The following SGMS1 variants were observed in gnomAD, a reference collection of about 807,000 sequenced individuals.
SGMS1 encodes phosphatidylcholine:ceramide cholinephosphotransferase 1.
Under a neutral mutation model 46.2 loss-of-function variants are expected in SGMS1, and 13 were observed. The ratio of observed to expected loss-of-function variants is 0.28; its 90% CI spans 0.18 to 0.45. The LOEUF (loss-of-function observed/expected upper bound fraction) is 0.45, where lower values mean the gene tolerates loss of function less well. Among genes scored for constraint, SGMS1 ranks in the 20% least tolerant of loss-of-function variants. The pLI, the probability that SGMS1 is intolerant of heterozygous loss-of-function variation, is 1.00. For missense variants in SGMS1, 324 were observed against 519.9 expected (o/e 0.62, Z 3.66); for synonymous variants, 203 against 187.8 (o/e 1.08, Z -0.66).
Position 50,436,703 on chromosome 10 carries a change from C to T in SGMS1, c.-312-3147G>A, listed in dbSNP as rs1202211725. On this transcript the variant is annotated intron_variant, in intron 5 of 10. Transcript: ENST00000361781. ...TCTAGGGCAAAGCTGAGCCTGCTACCCCTGGGTGGAAGAAGACTGGCTGGC... is the reference window on the plus strand; with the variant it reads ...TCTAGGGCAAAGCTGAGCCTGCTACTCCTGGGTGGAAGAAGACTGGCTGGC... Among the ~76,000 whole-genome samples, 18 of 152,120 alleles carry T rather than the reference C, an allele frequency of 1.2e-4. 1 individual carries two copies. Among genetic ancestry groups the T allele is most frequent in the Admixed American group, 1.2e-3 (18 of 15,276 alleles).
chr10:50,532,756 T>C (rs994462555), intron 2 of SGMS1, among the ~76,000 whole-genome samples: 2 of 152,266 alleles, frequency 1.3e-5, no homozygotes, highest in African/African-American at 4.8e-5. Flanking sequence ...AGGTAGTTTT[T>C]AGGTCTTTAG....
At chr10:50,523,401 T>C (rs1330828156) in intron 2 of SGMS1, among the ~76,000 whole-genome samples, 1 of 152,220 alleles carries the variant, frequency 6.6e-6, no homozygotes, top group Non-Finnish European at 1.5e-5. Flanking sequence ...AGCACAACAC[T>C]GTAGCAAGAA....
intron 3 of SGMS1, among the ~76,000 whole-genome samples, 178 bp downstream of exon 3, chr10:50,519,653 T>C (rs182186046): frequency 6.6e-6 from 1 of 152,280 alleles, no homozygotes; most frequent in East Asian, 1.9e-4. Context: ...TCCTACTTTT[T>C]CCAAACCACA....
intron 8 of SGMS1, among the ~76,000 whole-genome samples, chr10:50,322,023 G>T (rs1269653294): frequency 4.6e-5 from 7 of 152,350 alleles, no homozygotes; most frequent in Non-Finnish European, 8.8e-5. Flanking sequence ...TGTTGCATTT[G>T]TATTATATTG....
At chr10:50,457,853 T>A (rs553874476) in intron 5 of SGMS1, among the ~76,000 whole-genome samples, 1 of 152,346 alleles carries the variant, frequency 6.6e-6, no homozygotes, top group South Asian at 2.1e-4. Flanking sequence ...ATGGTGTACC[T>A]AAAATTCTGA....
At chr10:50,624,180 C>T, upstream of SGMS1, 1 of 967,506 alleles carries the variant, frequency 1.0e-6, no homozygotes, top group Non-Finnish European at 1.2e-6. Flanking sequence ...GGGCGCTTTC[C>T]CCAGCGTTTT....
chr10:50,595,336 T>C (rs1838580990), intron 1 of SGMS1, among the ~76,000 whole-genome samples: 1 of 152,090 alleles, frequency 6.6e-6, no homozygotes, highest in Non-Finnish European at 1.5e-5. Flanking sequence ...CCACCATGCC[T>C]GGCTAACGTT....
At chr10:50,410,085 T>C (rs891635612) in intron 6 of SGMS1, among the ~76,000 whole-genome samples, 6 of 152,238 alleles carry the variant, frequency 3.9e-5, no homozygotes, top group African/African-American at 1.4e-4. Flanking sequence ...GTTTACCTTG[T>C]AATTTTAACA....
intron 3 of SGMS1, among the ~76,000 whole-genome samples, chr10:50,517,073 G>A (rs1438644874): frequency 6.6e-6 from 1 of 152,164 alleles, no homozygotes; most frequent in East Asian, 1.9e-4. Flanking sequence ...TCAAAGGGAA[G>A]AGAAGTGGTC....
At position 50,343,367 on chromosome 10, in the gene SGMS1, A is replaced by T. The variant is rs562363131; in HGVS notation, c.623+125T>A. On this transcript the variant is annotated intron_variant, in intron 7 of 10. Transcript: ENST00000361781. ...GTTAGTCCAACAGGGTATGTGTTTA[A>T]AAAAGAAAAAAAAATAGTATGTTTT... 5.1e-6 allele frequency: 6 copies of T among 1,175,776 alleles called. No individual in the cohort carries two copies. In the Admixed American group the frequency reaches 1.5e-4, roughly 30 times the overall value. The allele number at this position is 1,175,776 out of a possible 1,614,324, so 72.8% of individuals were successfully genotyped here.
chr10:50,411,842 G>A (rs1849105316), intron 6 of SGMS1, among the ~76,000 whole-genome samples: 1 of 152,212 alleles, frequency 6.6e-6, no homozygotes, highest in African/African-American at 2.4e-5. Flanking sequence ...CAACTCAGGG[G>A]CGGCTTGAGG....
intron 2 of SGMS1, among the ~76,000 whole-genome samples, chr10:50,538,793 C>T (rs150921327): frequency 6.6e-6 from 1 of 152,180 alleles, no homozygotes; most frequent in Non-Finnish European, 1.5e-5. Context: ...CTGTAAGTAT[C>T]ATTAAGTGGT....
intron 5 of SGMS1, among the ~76,000 whole-genome samples, chr10:50,450,260 A>G (rs1344618580): frequency 1.3e-5 from 2 of 152,232 alleles, no homozygotes; most frequent in African/African-American, 4.8e-5. Context: ...AAAGTGGAAG[A>G]GAGGAGTGAG....
chr10:50,574,665 T>C (rs184092195), intron 2 of SGMS1, among the ~76,000 whole-genome samples: 92 of 152,252 alleles, frequency 6.0e-4, no homozygotes, highest in African/African-American at 2.2e-3. Flanking sequence ...AATCAGGATC[T>C]TGAGGAGATA....
At chr10:50,333,716 A>G (rs1180315462) in intron 7 of SGMS1, among the ~76,000 whole-genome samples, 1 of 152,214 alleles carries the variant, frequency 6.6e-6, no homozygotes, top group Non-Finnish European at 1.5e-5. Flanking sequence ...AGAACAGACA[A>G]AATAATCAAA....
rs138275203 is a variant in SGMS1, at chr10:50,531,800, A to G, written c.-588-11879T>C. Among the ~76,000 whole-genome samples, 520 of 152,294 alleles carry G rather than the reference A, an allele frequency of 3.4e-3. 2 individuals are homozygous for G. The highest frequency in any genetic ancestry group is 0.012 in the African/African-American group (500 of 41,568). The stretch of plus-strand genomic sequence containing the variant: ...GTACCACCATCTCCACCTACTAAAA[A>G]TTTGGGATATGCCAGATAGCTTTAA... On this transcript the variant is annotated intron_variant, in intron 2 of 10. Transcript: ENST00000361781.
intron 7 of SGMS1, chr10:50,341,338 GGA>G (rs751236782): frequency 6.6e-6 from 3 of 455,822 alleles, no homozygotes; most frequent in African/African-American, 4.0e-5. Flanking sequence ...GAGGTCACAG[GGA>G]GAGAGACAGG....
chr10:50,375,009 C>G (rs1273590271), intron 6 of SGMS1, among the ~76,000 whole-genome samples: 3 of 152,010 alleles, frequency 2.0e-5, no homozygotes, highest in Non-Finnish European at 4.4e-5. Flanking sequence ...ATGGGGATAA[C>G]AGAATTTGCA....
chr10:50,587,854 T>A (rs1484495555), intron 2 of SGMS1, among the ~76,000 whole-genome samples: 1 of 152,156 alleles, frequency 6.6e-6, no homozygotes, highest in Admixed American at 6.5e-5. Flanking sequence ...CATGCTCTGT[T>A]TCTTAATCTG....
Sources: allele counts gnomAD v4.1 joint callset (sites outside exome capture counted in the v4.1 genomes callset), GRCh38; gene constraint gnomAD v4.1.1; transcripts MANE v1.5; gene names NCBI Gene and HGNC (gene_info 2026-07-23, HGNC 2026-07-21).